Variants in SMR3A observed in about 807,000 individuals in gnomAD.
SMR3A encodes the protein submaxillary gland androgen-regulated protein 3A.
For missense variants in SMR3A, 188 were observed against 163.0 expected (o/e 1.15, Z -0.84); for synonymous variants, 48 against 57.4 (o/e 0.84, Z 0.74).
chr4:70,363,684 T>C (rs370515872), intron 2 of SMR3A, among the ~76,000 whole-genome samples: 2 of 152,016 alleles, frequency 1.3e-5, no homozygotes, highest in African/African-American at 4.8e-5. Context: ...ATCACTGCGA[T>C]TGGGTTAAGA....
chr4:70,362,024 T>G, intron 1 of SMR3A, 78 bp from the exon 2 acceptor site: 1 of 1,602,914 alleles, frequency 6.2e-7, no homozygotes, highest in Non-Finnish European at 8.5e-7. Flanking sequence ...CTACATTATA[T>G]CCATGTGTTG....
At chr4:70,361,942 G>A (rs1363353675) in intron 1 of SMR3A, among the ~76,000 whole-genome samples, 160 bp from the exon 2 acceptor site, 2 of 151,786 alleles carry the variant, frequency 1.3e-5, no homozygotes, top group African/African-American at 4.8e-5. Flanking sequence ...TACTAATGTT[G>A]TCCCACAGTA....
chr4:70,365,993 G>C (rs1208592176), intron 2 of SMR3A, among the ~76,000 whole-genome samples: 1 of 151,980 alleles, frequency 6.6e-6, no homozygotes, highest in African/African-American at 2.4e-5. Context: ...CTTTCATTGA[G>C]AGCCTAGGTA....
chr4:70,365,134 C>G (rs1297074394), intron 2 of SMR3A, among the ~76,000 whole-genome samples: 1 of 152,036 alleles, frequency 6.6e-6, no homozygotes, highest in African/African-American at 2.4e-5. Context: ...ATTCTTTAAG[C>G]CTCTTTTCAA....
rs1732132933 is a variant in SMR3A at position 70,360,762 on chromosome 4, C to T, written c.-95C>T. 6.6e-6 allele frequency: 1 copy of T among 151,844 alleles called. No individual in the cohort carries two copies. Among genetic ancestry groups the T allele is most frequent in the Non-Finnish European group, 1.5e-5 (1 of 67,872 alleles). The allele number at this position is 151,844 out of a possible 1,614,324, so 9.4% of individuals were successfully genotyped here. A position where few individuals can be genotyped will look rare whatever the true frequency, so the allele number is the denominator to read the frequency against. On this transcript the variant is annotated 5_prime_UTR_variant, in exon 1 of 3. Coordinates refer to ENST00000226460, the MANE Select transcript of SMR3A (RefSeq NM_012390.4). ...AACTGAAGTTTCTTGTCTCTTTTCA[C>T]CTTTATTTTCTGTCTTTCAACTGGC...
chr4:70,362,868 T>A (rs1045131826), intron 2 of SMR3A, among the ~76,000 whole-genome samples: 7 of 151,862 alleles, frequency 4.6e-5, no homozygotes, highest in Admixed American at 1.3e-4. Flanking sequence ...TGGGAAAATA[T>A]GAAAGCTGAT....
At chr4:70,362,803 G>C (rs1055208350) in intron 2 of SMR3A, among the ~76,000 whole-genome samples, 3 of 151,710 alleles carry the variant, frequency 2.0e-5, no homozygotes, top group African/African-American at 7.3e-5. Context: ...TTACAAAGAG[G>C]AGATTAATTC....
chr4:70,366,342 G>A lies in SMR3A; in HGVS notation c.55-302G>A, dbSNP rs182513044. Among the ~76,000 whole-genome samples, 313 of 151,902 alleles carry A rather than the reference G, an allele frequency of 2.1e-3. 3 individuals carry two copies. Among genetic ancestry groups the A allele is most frequent in the African/African-American group, 7.1e-3 (295 of 41,484 alleles). Reference sequence around the variant, plus strand: ...TTTTTTTGCTGCCTATGAGCCAGGGGCCACTCTCAGCTCCTATAGCCAGTC... The same window carrying A: ...TTTTTTTGCTGCCTATGAGCCAGGGACCACTCTCAGCTCCTATAGCCAGTC... On this transcript the variant is annotated intron_variant, in intron 2 of 2. Coordinates refer to ENST00000226460, the MANE Select transcript of SMR3A (RefSeq NM_012390.4).
At chr4:70,362,074 A>T in intron 1 of SMR3A, 28 bp from the exon 2 acceptor site, 2 of 1,610,488 alleles carry the variant, frequency 1.2e-6, no homozygotes, top group Non-Finnish European at 1.7e-6. Context: ...AAACAATCAT[A>T]CTGATCACCT....
At chr4:70,361,205 G>A (rs1017868425) in intron 1 of SMR3A, among the ~76,000 whole-genome samples, 24 of 151,826 alleles carry the variant, frequency 1.6e-4, no homozygotes, top group African/African-American at 3.9e-4. Flanking sequence ...TTATAAGAAC[G>A]GATCCTGGGA....
At chr4:70,364,851 G>T (rs772230986) in intron 2 of SMR3A, among the ~76,000 whole-genome samples, 21 of 151,994 alleles carry the variant, frequency 1.4e-4, no homozygotes, top group Non-Finnish European at 2.8e-4. Context: ...CAGTGCTTGT[G>T]ACATCCTCTA....
At position 70,366,756 on chromosome 4, in the gene SMR3A, C is replaced by CT; in HGVS notation, c.167_168insT (p.Pro57ThrfsTer70). 6.2e-7 allele frequency: 1 copy of CT among 1,613,310 alleles called. No individual in the cohort carries two copies. Among genetic ancestry groups the CT allele is most frequent in the Non-Finnish European group, 8.5e-7 (1 of 1,179,482 alleles). ...GGATTTGTTCCACCACCCCATCCTCCACCCTATGGTCCAGGGAGATTTCCA... is the reference window on the plus strand; with the variant it reads ...GGATTTGTTCCACCACCCCATCCTCCTACCCTATGGTCCAGGGAGATTTCCA... On this transcript the variant is annotated frameshift_variant, in exon 3 of 3. Transcript: ENST00000226460. LOFTEE classifies it low-confidence loss of function (END_TRUNC).
chr4:70,366,922 CT>C lies in SMR3A; in HGVS notation c.334del (p.Tyr112IlefsTer10). ...CACAGCCACCTTCCCAACCAAGACC[CT>C]ATCCACCTGGACCTCCATTTTTCCC... ...YPQPPSQPRP[Y>X]PPGPPFFPVN... On this transcript the variant is annotated frameshift_variant, in exon 3 of 3. Transcript: ENST00000226460. LOFTEE classifies it low-confidence loss of function (END_TRUNC). 1 of 1,613,676 alleles carries C rather than the reference CT, an allele frequency of 6.2e-7. No homozygotes were observed.
At chr4:70,363,619 T>C (rs1015052390) in intron 2 of SMR3A, among the ~76,000 whole-genome samples, 4 of 152,102 alleles carry the variant, frequency 2.6e-5, no homozygotes, top group South Asian at 4.2e-4. Context: ...CTTCCTAATA[T>C]AGTATTTTCA....
chr4:70,361,181 G>GT (rs1560521667), intron 1 of SMR3A, among the ~76,000 whole-genome samples: 1 of 151,784 alleles, frequency 6.6e-6, no homozygotes, highest in Non-Finnish European at 1.5e-5. Context: ...TTTTTCTTTT[G>GT]TTTTTCAAAC....
intron 2 of SMR3A, among the ~76,000 whole-genome samples, chr4:70,366,063 G>T (rs895794047): frequency 6.6e-6 from 1 of 151,942 alleles, no homozygotes; most frequent in Non-Finnish European, 1.5e-5. Context: ...TCATAACTTA[G>T]ATACATTTAA....
rs1577870865 is a variant in SMR3A at position 70,367,144 on chromosome 4, T to C, written c.*150T>C. 19 of 705,624 alleles carry C rather than the reference T, an allele frequency of 2.7e-5. No individual in the cohort carries two copies. In the East Asian group the frequency reaches 5.1e-4, roughly 19 times the overall value. 43.7% of individuals were successfully genotyped at this position (705,624 alleles called of 1,614,324 possible). On this transcript the variant is annotated 3_prime_UTR_variant, in exon 3 of 3. Transcript: ENST00000226460. ...TTCCATTTTTGGATGAGAATAAAGATTTCCAAAGCACTGAGCTTTTGGGAG... is the reference window on the plus strand; with the variant it reads ...TTCCATTTTTGGATGAGAATAAAGACTTCCAAAGCACTGAGCTTTTGGGAG...
intron 1 of SMR3A, among the ~76,000 whole-genome samples, chr4:70,361,340 C>T (rs546916389): frequency 7.9e-5 from 12 of 152,000 alleles, no homozygotes; most frequent in African/African-American, 2.9e-4. Context: ...GCAGAGTTGA[C>T]TGTCAGGAAG....
intron 2 of SMR3A, among the ~76,000 whole-genome samples, chr4:70,366,044 G>A (rs1339325314): frequency 6.6e-6 from 1 of 151,948 alleles, no homozygotes; most frequent in Non-Finnish European, 1.5e-5. Context: ...TGATACAGAA[G>A]TTCATACATC....
Sources: allele counts gnomAD v4.1 joint callset (sites outside exome capture counted in the v4.1 genomes callset), GRCh38; gene constraint gnomAD v4.1.1; transcripts MANE v1.5; gene names NCBI Gene and HGNC (gene_info 2026-07-23, HGNC 2026-07-21).